Variants in SLC43A1 observed in about 807,000 individuals in gnomAD.
SLC43A1 encodes the protein solute carrier family 43 member 1, also known as large neutral amino acids transporter small subunit 3.
A neutral mutation model predicts 59.5 loss-of-function variants in SLC43A1; 31 were observed. The observed-to-expected ratio is 0.52, with a 90% CI of 0.39 to 0.70. The LOEUF (loss-of-function observed/expected upper bound fraction) is 0.70. SLC43A1 is among the 30% of genes least tolerant of loss of function. The pLI is 0.00. For missense variants in SLC43A1, 598 were observed against 717.8 expected (o/e 0.83, Z 1.91); for synonymous variants, 259 against 290.9 (o/e 0.89, Z 1.12).
Position 57,515,583 on chromosome 11 carries a change from G to C in SLC43A1, c.-153C>G, listed in dbSNP as rs2649666. 65,582 of 152,204 alleles carry C rather than the reference G, an allele frequency of 0.43. 14,672 individuals carry two copies. The highest frequency in any genetic ancestry group is 0.72 in the East Asian group (3,696 of 5,158). 9.4% of individuals were successfully genotyped at this position (152,204 alleles called of 1,614,324 possible). A position where few individuals can be genotyped will look rare whatever the true frequency, so the allele number is the denominator to read the frequency against. On this transcript the variant is annotated 5_prime_UTR_variant, in exon 1 of 15. Transcript: ENST00000278426. The surrounding 1 kb of genome is among the most constrained non-coding windows in gnomAD (Gnocchi z 5.3). ...GTCTTCTCTGCGTGCAGGACCCGGC[G>C]GCCACGGAGCTTCAGCCTGACAGCC...
At chr11:57,511,248 A>G (rs1944534862) in intron 2 of SLC43A1, among the ~76,000 whole-genome samples, 1 of 151,966 alleles carries the variant, frequency 6.6e-6, no homozygotes. Context: ...ACATAGCATG[A>G]CCCAGTCTCT....
chr11:57,491,803 T>C lies in SLC43A1; in HGVS notation c.931A>G (p.Met311Val), dbSNP rs1943912741. 3 of 1,614,020 alleles carry C rather than the reference T, an allele frequency of 1.9e-6. No individual in the cohort carries two copies. The highest frequency in any genetic ancestry group is 2.5e-6 in the Non-Finnish European group (3 of 1,180,006). The change falls in exon 9 of 15, where the codon ATG becomes GTG. Residue 311 changes from methionine (M) to valine (V), a missense_variant. Physicochemically the swap from Met to Val is conservative, Grantham distance 21. Transcript: ENST00000278426. Reference sequence around the variant, plus strand: ...ATGATCCGCAGCTGGGTCATGCCCATGGTGAGGAGGCTCCACAGGAAAGTG... The same window carrying C: ...ATGATCCGCAGCTGGGTCATGCCCACGGTGAGGAGGCTCCACAGGAAAGTG... ...SPTFLWSLLT[M>V]GMTQLRIIFY...
At chr11:57,499,852 G>A (rs1003312163) in intron 5 of SLC43A1, among the ~76,000 whole-genome samples, 2 of 152,274 alleles carry the variant, frequency 1.3e-5, no homozygotes, top group Admixed American at 1.3e-4. Context: ...CGGAGAGAAG[G>A]GATTTAGGGC....
At chr11:57,492,687 A>G (rs1443920056) in intron 8 of SLC43A1, among the ~76,000 whole-genome samples, 1 of 134,764 alleles carries the variant, frequency 7.4e-6, no homozygotes, top group Admixed American at 8.3e-5. Context: ...CTATGATTGC[A>G]CTACCGCACT....
At chr11:57,495,822 T>G (rs1944065096) in intron 7 of SLC43A1, among the ~76,000 whole-genome samples, 1 of 151,728 alleles carries the variant, frequency 6.6e-6, no homozygotes, top group Non-Finnish European at 1.5e-5. Context: ...AGACACTGCC[T>G]CTAAACAAAC....
chr11:57,500,655 T>C, intron 5 of SLC43A1, 124 bp downstream of exon 5: 1 of 807,634 alleles, frequency 1.2e-6, no homozygotes. Context: ...ACACACTCAC[T>C]TGATCTAGTG....
chr11:57,487,007 T>C (rs982586812), intron 14 of SLC43A1, 88 bp downstream of exon 14: 2 of 1,433,818 alleles, frequency 1.4e-6, no homozygotes, highest in East Asian at 2.3e-5. Context: ...CTGGCTGAGA[T>C]GAGTGAGGGA....
intron 13 of SLC43A1, 24 bp downstream of exon 13, chr11:57,488,892 G>A: frequency 2.5e-6 from 4 of 1,602,766 alleles, no homozygotes; most frequent in South Asian, 1.1e-5. Context: ...AGCTCAGGAA[G>A]GCATTTCAGC....
Position 57,496,834 on chromosome 11 carries a change from T to C in SLC43A1, c.559-670A>G, listed in dbSNP as rs1057133163. On this transcript the variant is annotated intron_variant, in intron 6 of 14. Transcript: ENST00000278426. ...ACCATCTGTCCTCTTGTCCTCCCCA[T>C]ACCATCTGACCAGGATAATTAATGT... Among the ~76,000 whole-genome samples, 3 of 152,220 alleles carry C rather than the reference T, an allele frequency of 2.0e-5. No homozygotes were observed. The East Asian group carries it at 5.8e-4, about 29-fold the overall frequency.
intron 6 of SLC43A1, among the ~76,000 whole-genome samples, chr11:57,496,545 T>C (rs1249589126): frequency 6.6e-6 from 1 of 152,186 alleles, no homozygotes; most frequent in Non-Finnish European, 1.5e-5. Flanking sequence ...AAAGGAAACT[T>C]AGTGCTCTAG....
intron 2 of SLC43A1, among the ~76,000 whole-genome samples, chr11:57,505,157 A>G (rs185496341): frequency 8.7e-4 from 132 of 152,364 alleles, no homozygotes; most frequent in Middle Eastern, 3.4e-3. Flanking sequence ...AGATGGGTTC[A>G]GGAAGTAACA....
At chr11:57,495,739 G>C (rs185044513) in intron 7 of SLC43A1, among the ~76,000 whole-genome samples, 6 of 152,200 alleles carry the variant, frequency 3.9e-5, no homozygotes, top group African/African-American at 1.4e-4. Flanking sequence ...GGAGAGGTTC[G>C]CTTGAGCCCA....
Position 57,489,301 on chromosome 11 carries a change from G to A in SLC43A1, c.1285C>T (p.Leu429=). ...CAGGTGATGCCAAAACCCACAAGCAGCAGGTTGGTCAGGGTGAAGGCACTG... is the reference window on the plus strand; with the variant it reads ...CAGGTGATGCCAAAACCCACAAGCAACAGGTTGGTCAGGGTGAAGGCACTG... ...AISAFTLTNL[L]LVGFGITCLI... is the part of the protein sequence containing the mutation. Residue 429 remains leucine (L), a synonymous_variant, in exon 12 of 15, where the codon CTG becomes TTG. Coordinates refer to ENST00000278426, the MANE Select transcript of SLC43A1 (RefSeq NM_003627.6). 6.2e-7 allele frequency: 1 copy of A among 1,614,218 alleles called. No homozygotes were observed. Among genetic ancestry groups the A allele is most frequent in the Non-Finnish European group, 8.5e-7 (1 of 1,180,042 alleles).
intron 8 of SLC43A1, 79 bp from the exon 9 acceptor site, chr11:57,491,941 G>A: frequency 1.4e-6 from 2 of 1,398,710 alleles, no homozygotes; most frequent in Admixed American, 2.0e-5. Flanking sequence ...GCAGTTCTTG[G>A]GGGGAGTGAC....
rs1944629015 is a variant in SLC43A1 at position 57,514,361 on chromosome 11, C to G, written c.-13-237G>C. 1 of 517,424 alleles carries G rather than the reference C, an allele frequency of 1.9e-6. No homozygotes were observed. The highest frequency in any genetic ancestry group is 1.9e-5 in the African/African-American group (1 of 51,634). 32.1% of individuals were successfully genotyped at this position (517,424 alleles called of 1,614,324 possible). A position where few individuals can be genotyped will look rare whatever the true frequency, so the allele number is the denominator to read the frequency against. ...AGCCACTATCGGAAACAAGGAAGGT[C>G]CTGTCTGCGCGCTGCAGCTTCCTAG... On this transcript the variant is annotated intron_variant, in intron 1 of 14. Transcript: ENST00000278426. The surrounding 1 kb of genome is among the most constrained non-coding windows in gnomAD (Gnocchi z 5.5).
intron 6 of SLC43A1, among the ~76,000 whole-genome samples, chr11:57,496,542 ACTT>A (rs1331496818): frequency 4.6e-5 from 7 of 152,206 alleles, no homozygotes; most frequent in Non-Finnish European, 1.0e-4. Context: ...TACAAAGGAA[ACTT>A]AGTGCTCTAG....
At chr11:57,498,443 C>A (rs1000672534) in intron 5 of SLC43A1, among the ~76,000 whole-genome samples, 1 of 151,790 alleles carries the variant, frequency 6.6e-6, no homozygotes, top group East Asian at 1.9e-4. Context: ...TATGTCCCCA[C>A]CCCCCAAAAA....
intron 2 of SLC43A1, among the ~76,000 whole-genome samples, chr11:57,502,295 C>G (rs1263357406): frequency 6.6e-6 from 1 of 152,246 alleles, no homozygotes; most frequent in African/African-American, 2.4e-5. Context: ...ATTCCCACCA[C>G]CAGCCTTACT....
intron 2 of SLC43A1, among the ~76,000 whole-genome samples, chr11:57,509,582 C>T (rs1944474077): frequency 2.2e-5 from 3 of 135,930 alleles, no homozygotes; most frequent in South Asian, 4.7e-4. Context: ...AGCAAGATTC[C>T]GTCAGAAGGA....
Sources: allele counts gnomAD v4.1 joint callset (sites outside exome capture counted in the v4.1 genomes callset), GRCh38; gene constraint gnomAD v4.1.1; non-coding constraint Gnocchi (gnomAD v3.1); transcripts MANE v1.5; gene names NCBI Gene and HGNC (gene_info 2026-07-23, HGNC 2026-07-21).